The following PACS2 variants were observed in gnomAD, a reference collection of about 807,000 sequenced individuals.
The protein encoded by PACS2 is phosphofurin acidic cluster sorting protein 2, also known as PACS1-like protein.
Under a neutral mutation model 113.0 loss-of-function variants are expected in PACS2, and 36 were observed. The observed-to-expected ratio is 0.32, with a 90% CI of 0.24 to 0.42. PACS2 has a LOEUF of 0.42. Among genes scored for constraint, PACS2 ranks in the 10% least tolerant of loss-of-function variants. The pLI, the probability that PACS2 is intolerant of heterozygous loss-of-function variation, is 1.00. For missense variants in PACS2, 1,015 were observed against 1,239.5 expected (o/e 0.82, Z 2.72); for synonymous variants, 589 against 536.1 (o/e 1.10, Z -1.36).
rs2060413954 is a variant in PACS2, at chr14:105,355,653, G to A, written c.423+476G>A. Reference sequence around the variant, plus strand: ...AGCGACAATACCCGAGCAGGGCGGGGGCAGCACCCAGAGGTCAGAGGGGTG... The same window carrying A: ...AGCGACAATACCCGAGCAGGGCGGGAGCAGCACCCAGAGGTCAGAGGGGTG... On this transcript the variant is annotated intron_variant, in intron 4 of 24. Coordinates refer to ENST00000447393, the MANE Select transcript of PACS2 (RefSeq NM_001100913.3). This position sits in a 1 kb window ranked among gnomAD's most constrained non-coding sequence, Gnocchi z 4.1. Among the ~76,000 whole-genome samples, 1 of 152,222 alleles carries A rather than the reference G, an allele frequency of 6.6e-6. No homozygotes were observed. The highest frequency in any genetic ancestry group is 2.4e-5 in the African/African-American group (1 of 41,448).
chr14:105,368,793 C>A (rs2061044163), intron 7 of PACS2, among the ~76,000 whole-genome samples: 1 of 152,244 alleles, frequency 6.6e-6, no homozygotes, highest in Non-Finnish European at 1.5e-5. Flanking sequence ...TGGGAGGCTG[C>A]CTCGCTGCCA....
chr14:105,389,144 ACGT>A (rs2081273939), intron 19 of PACS2: 1 of 152,284 alleles, frequency 6.6e-6, no homozygotes, highest in Non-Finnish European at 1.5e-5. Flanking sequence ...TGAGCTGCAC[ACGT>A]CGGAGGGGAA....
rs1008948408 is a variant in PACS2 at position 105,309,054 on chromosome 14, T to G, written c.-83+8075T>G. On this transcript the variant is annotated intron_variant, in intron 1 of 23. Transcript: ENST00000430725. The surrounding 1 kb of genome is among the most constrained non-coding windows in gnomAD (Gnocchi z 4.0). ...CCATCCTGCACGAAGAGCACTGAGG[T>G]TGAGTGTTGGTTGACACGTGTTGCG... 6.6e-6 allele frequency among the ~76,000 whole-genome samples: 1 copy of G among 151,960 alleles called. No individual in the cohort carries two copies. The highest frequency in any genetic ancestry group is 6.6e-5 in the Admixed American group (1 of 15,260).
rs2058992731 is a variant in PACS2, at chr14:105,323,893, C to T, written c.119+8856C>T. On this transcript the variant is annotated intron_variant, in intron 1 of 24. Transcript: ENST00000447393. This position sits in a 1 kb window ranked among gnomAD's most constrained non-coding sequence, Gnocchi z 4.1. ...TGGAGGCCTTGGGGATTCGGAGGAC[C>T]TGGCCCATCGCCGTGGCCTGCACGG... 6.6e-6 allele frequency among the ~76,000 whole-genome samples: 1 copy of T among 152,224 alleles called. No individual in the cohort carries two copies. The highest frequency in any genetic ancestry group is 1.5e-5 in the Non-Finnish European group (1 of 68,046).
In PACS2 at chr14:105,393,203, G is replaced by A. The variant is rs781996935; in HGVS notation, c.2483-19G>A. On this transcript the variant is annotated intron_variant, in intron 23 of 24. Coordinates refer to ENST00000447393, the MANE Select transcript of PACS2 (RefSeq NM_001100913.3). The stretch of plus-strand genomic sequence containing the variant: ...GAAGGAGCAGCAAGATGACAGCAGG[G>A]CCTCTTTTCTCCTCCCAGTGATGTT... 3.2e-6 allele frequency: 5 copies of A among 1,579,240 alleles called. No homozygotes were observed. The South Asian group carries it at 4.4e-5, about 14-fold the overall frequency.
At chr14:105,386,848 C>T (rs1393263034) in intron 19 of PACS2, among the ~76,000 whole-genome samples, 2 of 152,148 alleles carry the variant, frequency 1.3e-5, no homozygotes, top group East Asian at 3.9e-4. Context: ...GAAAGACCAG[C>T]CGTGGGGGCC....
chr14:105,379,328 C>T (rs1555411300), intron 9 of PACS2, among the ~76,000 whole-genome samples: 2 of 152,260 alleles, frequency 1.3e-5, no homozygotes. Flanking sequence ...AGCATGTTCA[C>T]CTGTTTGCTG....
chr14:105,312,521 G>A (rs771435332), upstream of PACS2, among the ~76,000 whole-genome samples: 1 of 152,090 alleles, frequency 6.6e-6, no homozygotes, highest in African/African-American at 2.4e-5. Flanking sequence ...TAAAGAAAAC[G>A]CTACCAGAGA....
At chr14:105,321,869 C>T (rs979234148) in intron 1 of PACS2, among the ~76,000 whole-genome samples, 1 of 151,324 alleles carries the variant, frequency 6.6e-6, no homozygotes, top group Non-Finnish European at 1.5e-5. Flanking sequence ...CTTTGTATAT[C>T]CTTACATATT....
rs587609061 is a variant in PACS2 at position 105,362,896 on chromosome 14, G to C, written c.424-4317G>C. 6.6e-5 allele frequency among the ~76,000 whole-genome samples: 10 copies of C among 152,220 alleles called. No individual in the cohort carries two copies. The East Asian group carries it at 1.9e-3, about 29-fold the overall frequency. On this transcript the variant is annotated intron_variant, in intron 4 of 24. Coordinates refer to ENST00000447393, the MANE Select transcript of PACS2 (RefSeq NM_001100913.3). ...AGTTGAAATGACTCCTTGATGCATG[G>C]GCTGCCTGATGGATGTCGTGTGAGC...
rs377453480 is a variant in PACS2, at chr14:105,355,155, C to T, written c.401C>T (p.Ala134Val). 9 of 1,613,266 alleles carry T rather than the reference C, an allele frequency of 5.6e-6. No homozygotes were observed. The highest frequency in any genetic ancestry group is 1.3e-5 in the African/African-American group (1 of 74,948). ...RTILGYKTLA[A>V]GSISMAEVMQ... ...ATCCTGGGCTACAAGACGCTGGCCGCGGGCTCCATCAGCATGGCTGAGGTG... is the reference window on the plus strand; with the variant it reads ...ATCCTGGGCTACAAGACGCTGGCCGTGGGCTCCATCAGCATGGCTGAGGTG... Residue 134 changes from alanine (A) to valine (V), a missense_variant, in exon 4 of 25, where the codon GCG (alanine) becomes GTG (valine). Around this residue, in one of 3 missense-constraint regions of PACS2, gnomAD observed 16 missense variants for 47.6 expected, o/e 0.34. Coordinates refer to ENST00000447393, the MANE Select transcript of PACS2 (RefSeq NM_001100913.3). The surrounding 1 kb of genome is among the most constrained non-coding windows in gnomAD (Gnocchi z 4.1).
At chr14:105,338,234 C>A (rs1949527989) in intron 1 of PACS2, among the ~76,000 whole-genome samples, 1 of 152,224 alleles carries the variant, frequency 6.6e-6, no homozygotes. Context: ...AGAGTGTTGG[C>A]TGCTCTCCTT....
Position 105,355,551 on chromosome 14 carries a change from G to C in PACS2, c.423+374G>C, listed in dbSNP as rs2060408854. On this transcript the variant is annotated intron_variant, in intron 4 of 24. Coordinates refer to ENST00000447393, the MANE Select transcript of PACS2 (RefSeq NM_001100913.3). This position sits in a 1 kb window ranked among gnomAD's most constrained non-coding sequence, Gnocchi z 4.1. The stretch of plus-strand genomic sequence containing the variant: ...TGCGTCCTGTGATGGGTTCGTGTCT[G>C]CATCCTGCTCAGCACGTGCTCTGGC... Among the ~76,000 whole-genome samples the C allele has an allele frequency of 6.6e-6, 1 of 152,236 alleles. No individual in the cohort carries two copies. Among genetic ancestry groups the C allele is most frequent in the South Asian group, 2.1e-4 (1 of 4,834 alleles).
At position 105,367,303 on chromosome 14, in the gene PACS2, G is replaced by A. The variant is rs782218796; in HGVS notation, c.514G>A (p.Ala172Thr). 18 of 1,613,182 alleles carry A rather than the reference G, an allele frequency of 1.1e-5. No individual in the cohort carries two copies. The highest frequency in any genetic ancestry group is 1.6e-4 in the Middle Eastern group (1 of 6,084). The change falls in exon 5 of 25, where the codon GCC becomes ACC. Residue 172 changes from alanine (A) to threonine (T), a missense_variant. By Grantham distance (58) the Ala-to-Thr change is moderately conservative. Coordinates refer to ENST00000447393, the MANE Select transcript of PACS2 (RefSeq NM_001100913.3). ...CGTCAAGGCGGCCGAGATCTGGATC[G>A]CCTCCCTGTCCAGCCAGCCCATTGA... ...APVKAAEIWIASLSSQPIDHE... is the reference protein window; with the variant it reads ...APVKAAEIWITSLSSQPIDHE...
At chr14:105,301,371 G>C (rs2058017972) in intron 1 of PACS2, 1 of 151,916 alleles carries the variant, frequency 6.6e-6, no homozygotes, top group Non-Finnish European at 1.5e-5. Flanking sequence ...AACTGGAGCT[G>C]TGGGCGGGGG....
Position 105,385,730 on chromosome 14 carries a change from G to A in PACS2, c.2033+13G>A. The A allele has an allele frequency of 6.7e-7, 1 of 1,494,290 alleles. No homozygotes were observed. The highest frequency in any genetic ancestry group is 8.9e-7 in the Non-Finnish European group (1 of 1,120,294). 92.6% of individuals were successfully genotyped at this position (1,494,290 alleles called of 1,614,324 possible). A position where few individuals can be genotyped will look rare whatever the true frequency, so the allele number is the denominator to read the frequency against. Reference sequence around the variant, plus strand: ...ACTTTACCCTAAGGTACGGCTCTGTGGGTCTGCCTCCCACCCTGTCTGTCC... The same window carrying A: ...ACTTTACCCTAAGGTACGGCTCTGTAGGTCTGCCTCCCACCCTGTCTGTCC... On this transcript the variant is annotated intron_variant, in intron 19 of 24. Coordinates refer to ENST00000447393, the MANE Select transcript of PACS2 (RefSeq NM_001100913.3).
chr14:105,343,699 CTTT>C (rs200290671), intron 1 of PACS2, among the ~76,000 whole-genome samples: 1 of 142,218 alleles, frequency 7.0e-6, no homozygotes, highest in Non-Finnish European at 1.5e-5. Flanking sequence ...ATTTTGCTCA[CTTT>C]TTTTTTTTTT....
chr14:105,322,854 C>A lies in PACS2; in HGVS notation c.119+7817C>A, dbSNP rs587675508. ...TGTTGAATATTTGTTCTTAGGATTT[C>A]CTTTAGTGAGGATCTGCTGATAACT... is the stretch of plus-strand genomic sequence containing the variant. On this transcript the variant is annotated intron_variant, in intron 1 of 24. Transcript: ENST00000447393. 1.1e-4 allele frequency among the ~76,000 whole-genome samples: 16 copies of A among 152,324 alleles called. No homozygotes were observed. In the South Asian group the frequency reaches 3.3e-3, roughly 32 times the overall value.
Position 105,358,644 on chromosome 14 carries a change from G to A in PACS2, c.423+3467G>A, listed in dbSNP as rs1429612459. ...GACAGACCCATGACCAGGCGAAGGG[G>A]TGACCTGGGAGTGCGGTGGTGGCTG... On this transcript the variant is annotated intron_variant, in intron 4 of 24. Coordinates refer to ENST00000447393, the MANE Select transcript of PACS2 (RefSeq NM_001100913.3). This position sits in a 1 kb window ranked among gnomAD's most constrained non-coding sequence, Gnocchi z 4.9. 6.6e-6 allele frequency among the ~76,000 whole-genome samples: 1 copy of A among 152,176 alleles called. No individual in the cohort carries two copies. The highest frequency in any genetic ancestry group is 1.5e-5 in the Non-Finnish European group (1 of 68,020).
Sources: allele counts gnomAD v4.1 joint callset (sites outside exome capture counted in the v4.1 genomes callset), GRCh38; gene constraint gnomAD v4.1.1; regional missense constraint gnomAD v4.1.1; non-coding constraint Gnocchi (gnomAD v3.1); transcripts MANE v1.5; gene names NCBI Gene and HGNC (gene_info 2026-07-23, HGNC 2026-07-21).